Variants in CERK observed in about 807,000 individuals in gnomAD.
The protein encoded by CERK is acylsphingosine kinase.
In CERK, 39 loss-of-function variants were observed where a neutral mutation model predicts 63.4. The ratio of observed to expected loss-of-function variants is 0.61; its 90% CI spans 0.48 to 0.80. The LOEUF (loss-of-function observed/expected upper bound fraction) is 0.80. Ranked by LOEUF, CERK falls within the 30% of genes least tolerant of loss-of-function variation. The pLI is 0.00. For missense variants in CERK, 670 were observed against 714.1 expected (o/e 0.94, Z 0.70); for synonymous variants, 302 against 280.0 (o/e 1.08, Z -0.78).
chr22:46,738,103 C>A lies in CERK; in HGVS notation c.46G>T (p.Val16Leu). The change falls in exon 1 of 13, where the codon GTG (valine) becomes TTG (leucine). Residue 16 changes from valine (V) to leucine (L), a missense_variant. Physicochemically the swap from Val to Leu is conservative, Grantham distance 32. Transcript: ENST00000216264. Reference sequence around the variant, plus strand: ...CTCACGGCGCAGCGCTGCTGCTTCACCCACAGCACGGATTGCAGCGGCTCC... The same window carrying A: ...CTCACGGCGCAGCGCTGCTGCTTCAACCACAGCACGGATTGCAGCGGCTCC... Reference protein sequence around the residue: ...AAEPLQSVLWVKQQRCAVSLE... With the variant: ...AAEPLQSVLWLKQQRCAVSLE... 1 of 1,281,144 alleles carries A rather than the reference C, an allele frequency of 7.8e-7. No individual in the cohort carries two copies. Among genetic ancestry groups the A allele is most frequent in the Non-Finnish European group, 9.9e-7 (1 of 1,006,574 alleles). 79.4% of individuals were successfully genotyped at this position (1,281,144 alleles called of 1,614,324 possible). A position where few individuals can be genotyped will look rare whatever the true frequency, so the allele number is the denominator to read the frequency against.
chr22:46,689,225 G>A (rs916905407), intron 12 of CERK, among the ~76,000 whole-genome samples: 5 of 152,208 alleles, frequency 3.3e-5, no homozygotes, highest in African/African-American at 4.8e-5. Flanking sequence ...TCCCATCCTC[G>A]GGGTGCCCTT....
chr22:46,690,967 GTA>G (rs1002919455), intron 11 of CERK, among the ~76,000 whole-genome samples: 1 of 151,804 alleles, frequency 6.6e-6, no homozygotes, highest in Admixed American at 6.5e-5. Context: ...GTATGTGTGT[GTA>G]TATGTATGTA....
intron 8 of CERK, among the ~76,000 whole-genome samples, chr22:46,698,646 T>C (rs569165947): frequency 2.6e-5 from 4 of 152,218 alleles, no homozygotes; most frequent in African/African-American, 7.2e-5. Flanking sequence ...ATCCCAGCAC[T>C]TTGGGAGGCC....
intron 2 of CERK, 52 bp downstream of exon 2, chr22:46,720,850 A>G (rs1427101764): frequency 8.9e-7 from 1 of 1,117,672 alleles, no homozygotes; most frequent in Non-Finnish European, 1.4e-6. Context: ...CCTCTCGTGT[A>G]ATCTACATAG....
Position 46,684,785 on chromosome 22 carries a change from G to T in CERK, c.*2349C>A, listed in dbSNP as rs1347596673. 6.6e-6 allele frequency: 1 copy of T among 152,148 alleles called. No homozygotes were observed. Among genetic ancestry groups the T allele is most frequent in the Admixed American group, 6.5e-5 (1 of 15,268 alleles). The allele number at this position is 152,148 out of a possible 1,614,324, so 9.4% of individuals were successfully genotyped here. A position where few individuals can be genotyped will look rare whatever the true frequency, so the allele number is the denominator to read the frequency against. On this transcript the variant is annotated 3_prime_UTR_variant, in exon 13 of 13. Coordinates refer to ENST00000216264, the MANE Select transcript of CERK (RefSeq NM_022766.6). ...ATCTGAAAGGCTGCCCCGGAAATCA[G>T]AGCCTATCTAGCGGGAATGTCTGGG... is the stretch of plus-strand genomic sequence containing the variant.
At chr22:46,706,520 G>A (rs1212859531) in intron 6 of CERK, among the ~76,000 whole-genome samples, 1 of 152,134 alleles carries the variant, frequency 6.6e-6, no homozygotes, top group Non-Finnish European at 1.5e-5. Flanking sequence ...TCTCCCCTTA[G>A]TGTCTCCCAG....
intron 1 of CERK, among the ~76,000 whole-genome samples, chr22:46,726,454 G>A (rs532981488): frequency 6.6e-5 from 10 of 152,226 alleles, no homozygotes; most frequent in Admixed American, 1.3e-4. Flanking sequence ...GAAGTGGCAC[G>A]GGCCACACTG....
chr22:46,703,940 C>T (rs1462635231), intron 6 of CERK, among the ~76,000 whole-genome samples: 1 of 151,544 alleles, frequency 6.6e-6, no homozygotes, highest in Non-Finnish European at 1.5e-5. Flanking sequence ...CACCAGCTGA[C>T]TCCCGGCCTA....
chr22:46,699,855 G>A (rs1398387666), intron 7 of CERK, among the ~76,000 whole-genome samples: 4 of 152,210 alleles, frequency 2.6e-5, no homozygotes, highest in East Asian at 1.9e-4. Context: ...TGGGGAGGCC[G>A]AGGCGGGCAG....
At chr22:46,719,194 T>A (rs555146752) in intron 3 of CERK, among the ~76,000 whole-genome samples, 2 of 148,388 alleles carry the variant, frequency 1.3e-5, no homozygotes, top group South Asian at 2.1e-4. Flanking sequence ...TTCCTTTTTT[T>A]AAACTTTTAA....
chr22:46,689,860 A>G, intron 12 of CERK, 132 bp downstream of exon 12: 1 of 625,306 alleles, frequency 1.6e-6, no homozygotes, highest in Non-Finnish European at 2.7e-6. Flanking sequence ...AGAAAAGTGC[A>G]TTTATAAAAC....
At chr22:46,707,318 G>A (rs1265339147) in intron 6 of CERK, among the ~76,000 whole-genome samples, 3 of 152,200 alleles carry the variant, frequency 2.0e-5, no homozygotes, top group Non-Finnish European at 4.4e-5. Flanking sequence ...AGAACAAGGT[G>A]GTTCCTAGAA....
At chr22:46,705,220 C>A (rs2082807310) in intron 6 of CERK, among the ~76,000 whole-genome samples, 1 of 152,174 alleles carries the variant, frequency 6.6e-6, no homozygotes, top group African/African-American at 2.4e-5. Flanking sequence ...GGGCCAGGGT[C>A]CTTCACGAGT....
chr22:46,691,319 T>C lies in CERK; in HGVS notation c.1332+253A>G, dbSNP rs372949409. 2.0e-5 allele frequency among the ~76,000 whole-genome samples: 3 copies of C among 152,168 alleles called. No homozygotes were observed. The East Asian group carries it at 5.8e-4, about 29-fold the overall frequency. On this transcript the variant is annotated intron_variant, in intron 11 of 12. Coordinates refer to ENST00000216264, the MANE Select transcript of CERK (RefSeq NM_022766.6). Reference sequence around the variant, plus strand: ...AACTCCTGACCTCGGGTGATCCGCCTGCCTCAGCCTCCCAAAGTGCTGGGA... The same window carrying C: ...AACTCCTGACCTCGGGTGATCCGCCCGCCTCAGCCTCCCAAAGTGCTGGGA...
At chr22:46,696,643 T>A (rs186073921) in intron 8 of CERK, among the ~76,000 whole-genome samples, 1 of 152,344 alleles carries the variant, frequency 6.6e-6, no homozygotes, top group Admixed American at 6.5e-5. Flanking sequence ...TTCCATGCCC[T>A]CTGTGCTGCT....
chr22:46,732,823 C>T (rs899425620), intron 1 of CERK, among the ~76,000 whole-genome samples: 2 of 152,100 alleles, frequency 1.3e-5, no homozygotes, highest in African/African-American at 4.8e-5. Context: ...TGTTTTCTTC[C>T]GTGAATCGCC....
At chr22:46,698,472 G>T (rs1053671470) in intron 8 of CERK, among the ~76,000 whole-genome samples, 3 of 152,222 alleles carry the variant, frequency 2.0e-5, no homozygotes, top group African/African-American at 7.2e-5. Flanking sequence ...ACGCAACCTT[G>T]TTGAATGAAG....
chr22:46,716,519 A>T (rs949433646), intron 3 of CERK, among the ~76,000 whole-genome samples: 2 of 151,018 alleles, frequency 1.3e-5, no homozygotes, highest in African/African-American at 4.9e-5. Flanking sequence ...AAAAAAAAAT[A>T]CGAGATTGAA....
chr22:46,737,800 C>G (rs1416752018), intron 1 of CERK, among the ~76,000 whole-genome samples: 1 of 152,066 alleles, frequency 6.6e-6, no homozygotes, highest in African/African-American at 2.4e-5. Context: ...TCCTCGGGTT[C>G]CCGGAGCAGA....
Sources: gnomAD v4.1 joint callset for allele counts (sites outside exome capture counted in the v4.1 genomes callset) on GRCh38, gnomAD v4.1.1 for gene constraint, MANE v1.5 for transcripts, NCBI Gene and HGNC (gene_info 2026-07-23, HGNC 2026-07-21) for gene names.